OTOGL: variants seen among roughly 807,000 people sequenced by gnomAD.
OTOGL encodes otogelin-like protein.
A neutral mutation model predicts 318.5 loss-of-function variants in OTOGL; 285 were observed. The observed-to-expected ratio is 0.89, with a 90% CI of 0.81 to 0.99. The LOEUF (loss-of-function observed/expected upper bound fraction) is 0.99, where lower values mean the gene tolerates loss of function less well. Ranked by LOEUF, OTOGL falls within the 50% of genes least tolerant of loss-of-function variation. The probability of loss-of-function intolerance (pLI) is 0.00; values close to 1 mark genes in which losing one functional copy is unlikely to be tolerated. For synonymous variants in OTOGL, 987 were observed against 936.5 expected, an observed-to-expected ratio of 1.05 and a Z score of -0.99; for missense variants, 2,899 against 2,845.6, an observed-to-expected ratio of 1.02 and a Z score of -0.43.
At chr12:80,150,020 C>T (rs1157091063) in intron 1 of OTOGL, among the ~76,000 whole-genome samples, 1 of 152,130 alleles carries the variant, frequency 6.6e-6, no homozygotes, top group Admixed American at 6.5e-5. Context: ...TCTTCTGCGT[C>T]GCTCACGCTG....
At chr12:80,160,786 A>G (rs1019778062) in intron 1 of OTOGL, among the ~76,000 whole-genome samples, 1 of 152,242 alleles carries the variant, frequency 6.6e-6, no homozygotes, top group South Asian at 2.1e-4. Context: ...TTGCATATGC[A>G]TGTTTACAGC....
intron 26 of OTOGL, among the ~76,000 whole-genome samples, chr12:80,286,650 T>C (rs911131133): frequency 6.6e-6 from 1 of 152,188 alleles, no homozygotes. Flanking sequence ...GATTTTCTAG[T>C]TTATTTGGTA....
At chr12:80,189,438 A>G (rs1875524090) in intron 1 of OTOGL, 11 of 985,286 alleles carry the variant, frequency 1.1e-5, no homozygotes, top group African/African-American at 3.5e-5. Flanking sequence ...AAGTTTGTCA[A>G]GTCTCATAAG....
Position 80,160,378 on chromosome 12 carries a change from T to C in OTOGL, c.-19-49035T>C, listed in dbSNP as rs140689868. Among the ~76,000 whole-genome samples the C allele has an allele frequency of 7.7e-3, 1,171 of 152,004 alleles. 17 individuals are homozygous for C. The highest frequency in any genetic ancestry group is 0.027 in the African/African-American group (1,122 of 41,448). On this transcript the variant is annotated intron_variant, in intron 1 of 58. Coordinates refer to ENST00000547103, the MANE Select transcript of OTOGL (RefSeq NM_001378609.3). ...CTAATATCCAGAATCTGCAAGGAAC[T>C]CAAACAAATTAGCAAGAAAAAAACA...
At chr12:80,258,954 G>A (rs1018181264) in intron 18 of OTOGL, among the ~76,000 whole-genome samples, 1 of 151,926 alleles carries the variant, frequency 6.6e-6, no homozygotes, top group African/African-American at 2.4e-5. Context: ...TAAGAGAGTA[G>A]ATATTAAAAG....
Position 80,302,779 on chromosome 12 carries a change from G to T in OTOGL, c.3209G>T (p.Trp1070Leu). 1 of 1,490,044 alleles carries T rather than the reference G, an allele frequency of 6.7e-7. No individual in the cohort carries two copies. The highest frequency in any genetic ancestry group is 2.3e-5 in the Admixed American group (1 of 43,524). 92.3% of individuals were successfully genotyped at this position (1,490,044 alleles called of 1,614,324 possible). A position where few individuals can be genotyped will look rare whatever the true frequency, so the allele number is the denominator to read the frequency against. Reference protein sequence around the residue: ...TTIHIKVGPQWKNKLSGLCGN... With the variant: ...TTIHIKVGPQLKNKLSGLCGN... ...ATTCATATCAAAGTTGGGCCACAGT[G>T]GAAGGTAGGTCAACCTAAGCTCCAA... The change falls in exon 28 of 59, where the codon TGG becomes TTG. Residue 1070 changes from tryptophan (W) to leucine (L), a missense_variant. Physicochemically the swap from Trp to Leu is moderately conservative, Grantham distance 61. Around this residue, in one of 3 missense-constraint regions of OTOGL, gnomAD observed 2,607 missense variants for 2,524.9 expected, o/e 1.03. Transcript: ENST00000547103.
chr12:80,218,415 G>T (rs1198739706), intron 5 of OTOGL, among the ~76,000 whole-genome samples: 1 of 152,322 alleles, frequency 6.6e-6, no homozygotes, highest in Non-Finnish European at 1.5e-5. Flanking sequence ...AATCATAAAG[G>T]TTTTTGAATT....
chr12:80,346,999 C>T (rs1376844935), intron 44 of OTOGL, among the ~76,000 whole-genome samples: 1 of 152,180 alleles, frequency 6.6e-6, no homozygotes. Context: ...AAAATATATT[C>T]AATATCCATG....
At chr12:80,113,167 G>T (rs1869953066) in intron 1 of OTOGL, among the ~76,000 whole-genome samples, 1 of 152,030 alleles carries the variant, frequency 6.6e-6, no homozygotes, top group South Asian at 2.1e-4. Flanking sequence ...CTGGCTAGTG[G>T]TCTATGTATT....
intron 1 of OTOGL, among the ~76,000 whole-genome samples, chr12:80,138,280 C>A (rs1009679887): frequency 2.0e-5 from 3 of 151,956 alleles, no homozygotes; most frequent in Admixed American, 6.6e-5. Flanking sequence ...TTGGTTGATA[C>A]GATAATTTTC....
intron 37 of OTOGL, among the ~76,000 whole-genome samples, chr12:80,329,555 A>G (rs1351764983): frequency 6.6e-6 from 1 of 152,208 alleles, no homozygotes; most frequent in Non-Finnish European, 1.5e-5. Flanking sequence ...ACAGACATAA[A>G]TCAGGGTTTT....
intron 29 of OTOGL, among the ~76,000 whole-genome samples, chr12:80,305,991 C>T (rs984725823): frequency 2.6e-5 from 4 of 152,078 alleles, no homozygotes; most frequent in Non-Finnish European, 4.4e-5. Context: ...ATCTCTTCAC[C>T]CTCATGTTTT....
At chr12:80,362,219 A>T (rs1237085435) in intron 52 of OTOGL, among the ~76,000 whole-genome samples, 2 of 152,238 alleles carry the variant, frequency 1.3e-5, no homozygotes, top group Non-Finnish European at 2.9e-5. Context: ...TTGTTCCAAC[A>T]TCATTTATTG....
At chr12:80,328,974 A>G (rs533019555) in intron 36 of OTOGL, 77 bp from the exon 37 acceptor site, 1 of 1,325,608 alleles carries the variant, frequency 7.5e-7, no homozygotes, top group East Asian at 2.5e-5. Flanking sequence ...CTTGAAGCTA[A>G]AGAGTCCTCT....
intron 1 of OTOGL, among the ~76,000 whole-genome samples, chr12:80,109,126 C>T (rs558558080): frequency 6.6e-5 from 10 of 151,336 alleles, no homozygotes; most frequent in African/African-American, 1.9e-4. Flanking sequence ...CTTCTTATGC[C>T]CCAACTTTAG....
chr12:80,356,677 T>C (rs1889922509), intron 48 of OTOGL, 130 bp from the exon 49 acceptor site: 1 of 605,256 alleles, frequency 1.7e-6, no homozygotes, highest in Non-Finnish European at 2.6e-6. Context: ...ATCTTTCATA[T>C]ATATGTATAT....
intron 1 of OTOGL, among the ~76,000 whole-genome samples, chr12:80,199,626 T>C (rs1260275398): frequency 1.3e-5 from 2 of 152,204 alleles, no homozygotes; most frequent in Non-Finnish European, 2.9e-5. Context: ...GTTTTACTCA[T>C]AATAAATATC....
rs147635035 is a variant in OTOGL, at chr12:80,289,642, C to T, written c.2929-7185C>T. Among the ~76,000 whole-genome samples, 383 of 152,310 alleles carry T rather than the reference C, an allele frequency of 2.5e-3. 2 individuals carry two copies. The highest frequency in any genetic ancestry group is 4.5e-3 in the Non-Finnish European group (305 of 68,024). Reference sequence around the variant, plus strand: ...TAGTCTGGCCACAGCCACTTTGCCACGCTGTGATGTGTTCCGCCCAGTCCA... The same window carrying T: ...TAGTCTGGCCACAGCCACTTTGCCATGCTGTGATGTGTTCCGCCCAGTCCA... On this transcript the variant is annotated intron_variant, in intron 26 of 58. Coordinates refer to ENST00000547103, the MANE Select transcript of OTOGL (RefSeq NM_001378609.3).
chr12:80,201,418 G>A (rs973498610), intron 1 of OTOGL, among the ~76,000 whole-genome samples: 4 of 152,056 alleles, frequency 2.6e-5, no homozygotes, highest in African/African-American at 9.7e-5. Flanking sequence ...GCAAGAGAGC[G>A]AGGTGGGGAG....
Sources: gnomAD v4.1 joint callset for allele counts (sites outside exome capture counted in the v4.1 genomes callset) on GRCh38, gnomAD v4.1.1 for gene constraint, gnomAD v4.1.1 regional missense constraint, MANE v1.5 for transcripts, NCBI Gene and HGNC (gene_info 2026-07-23, HGNC 2026-07-21) for gene names.